FAM184A: variants seen among roughly 807,000 people sequenced by gnomAD.
FAM184A encodes family with sequence similarity 184 member A.
A neutral mutation model predicts 143.8 loss-of-function variants in FAM184A; 99 were observed. That is an observed-to-expected ratio of 0.69 (90% CI 0.58 to 0.81). FAM184A has a LOEUF of 0.81. FAM184A is among the 40% of genes least tolerant of loss of function. The probability of loss-of-function intolerance (pLI) is 0.00; values close to 1 mark genes in which losing one functional copy is unlikely to be tolerated. For missense variants in FAM184A, 1,217 were observed against 1,310.5 expected (o/e 0.93, Z 1.10); for synonymous variants, 427 against 446.4 (o/e 0.96, Z 0.55).
upstream of FAM184A, among the ~76,000 whole-genome samples, chr6:119,081,133 T>TA (rs1788050514): frequency 6.6e-6 from 1 of 152,102 alleles, no homozygotes; most frequent in Non-Finnish European, 1.5e-5. Flanking sequence ...TCAGAAAACT[T>TA]ACAACATGGA....
chr6:118,972,683 T>A (rs1783731822), intron 14 of FAM184A, among the ~76,000 whole-genome samples: 1 of 152,124 alleles, frequency 6.6e-6, no homozygotes. Flanking sequence ...TGCAACAGAA[T>A]AAAGGAAAAA....
At chr6:119,017,187 T>C (rs1562475172) in intron 4 of FAM184A, among the ~76,000 whole-genome samples, 1 of 152,180 alleles carries the variant, frequency 6.6e-6, no homozygotes, top group Non-Finnish European at 1.5e-5. Context: ...TGTGAGTTAA[T>C]ACATCTGCAA....
At chr6:119,037,691 T>C (rs1237153304) in intron 1 of FAM184A, among the ~76,000 whole-genome samples, 1 of 152,244 alleles carries the variant, frequency 6.6e-6, no homozygotes, top group African/African-American at 2.4e-5. Flanking sequence ...TTAGAATACG[T>C]AAAAATAATA....
intron 9 of FAM184A, among the ~76,000 whole-genome samples, chr6:118,992,686 G>A (rs1784415980): frequency 6.6e-6 from 1 of 152,084 alleles, no homozygotes; most frequent in African/African-American, 2.4e-5. Flanking sequence ...CAGCATTTTG[G>A]AAGGCCGAGG....
chr6:119,116,055 T>G (rs1201900248), intron 1 of FAM184A, among the ~76,000 whole-genome samples: 1 of 151,430 alleles, frequency 6.6e-6, no homozygotes, highest in Non-Finnish European at 1.5e-5. Flanking sequence ...AGAGACTGTC[T>G]TGGGGCTTTA....
At chr6:119,029,114 T>C (rs1284133652) in intron 1 of FAM184A, among the ~76,000 whole-genome samples, 1 of 152,206 alleles carries the variant, frequency 6.6e-6, no homozygotes, top group Non-Finnish European at 1.5e-5. Context: ...AACACTGGTA[T>C]AGGCCACAGG....
intron 9 of FAM184A, among the ~76,000 whole-genome samples, chr6:118,981,386 AC>A (rs1784016794): frequency 6.6e-6 from 1 of 152,182 alleles, no homozygotes; most frequent in Non-Finnish European, 1.5e-5. Context: ...TCCATAAGCA[AC>A]TTAAAACACT....
At chr6:118,985,484 T>C (rs1479315391) in intron 9 of FAM184A, among the ~76,000 whole-genome samples, 1 of 152,150 alleles carries the variant, frequency 6.6e-6, no homozygotes, top group Admixed American at 6.5e-5. Flanking sequence ...CCAGTTTGTG[T>C]TTTTGTAGTT....
chr6:119,005,139 C>T (rs1311465214), intron 7 of FAM184A: 1 of 151,850 alleles, frequency 6.6e-6, no homozygotes, highest in African/African-American at 2.4e-5. Context: ...AGAATGCTAC[C>T]ATCGAGATTA....
At chr6:118,974,377 GCTC>G (rs1375231611) in intron 14 of FAM184A, 48 bp downstream of exon 14, 1 of 1,514,768 alleles carries the variant, frequency 6.6e-7, no homozygotes. Flanking sequence ...TAAACACAGT[GCTC>G]CTAAATTTAT....
At chr6:119,081,269 G>A (rs762870973), upstream of FAM184A, among the ~76,000 whole-genome samples, 4 of 152,172 alleles carry the variant, frequency 2.6e-5, no homozygotes, top group Non-Finnish European at 5.9e-5. Flanking sequence ...ACCATGACAA[G>A]AACAGCATGG....
chr6:119,042,703 A>C (rs1456635578), intron 1 of FAM184A, among the ~76,000 whole-genome samples: 1 of 152,238 alleles, frequency 6.6e-6, no homozygotes, highest in Non-Finnish European at 1.5e-5. Context: ...TACAACATCA[A>C]GAACAAATCC....
intron 1 of FAM184A, among the ~76,000 whole-genome samples, chr6:119,102,280 T>C (rs1398454767): frequency 6.6e-6 from 1 of 152,096 alleles, no homozygotes; most frequent in East Asian, 1.9e-4. Context: ...TAGGATTTGC[T>C]GTAGGCCAGC....
At chr6:119,102,784 C>CAAAAAAAAAA (rs58686018) in intron 1 of FAM184A, among the ~76,000 whole-genome samples, 35 of 30,098 alleles carry the variant, frequency 1.2e-3, no homozygotes, top group East Asian at 5.8e-3. Context: ...GACTCCATCT[C>CAAAAAAAAAA]AAAAAAAAAA....
chr6:119,040,460 C>T (rs1381520846), intron 1 of FAM184A, among the ~76,000 whole-genome samples: 4 of 152,118 alleles, frequency 2.6e-5, no homozygotes, highest in Non-Finnish European at 4.4e-5. Context: ...GACTCTGCTC[C>T]GCCCAGCTGA....
At chr6:119,031,284 G>C (rs1785862065) in intron 1 of FAM184A, 1 of 152,172 alleles carries the variant, frequency 6.6e-6, no homozygotes, top group South Asian at 2.1e-4. Context: ...GGTATTTGGA[G>C]ACGGGACCTT....
At chr6:119,041,677 T>G (rs1177230682) in intron 1 of FAM184A, among the ~76,000 whole-genome samples, 1 of 152,098 alleles carries the variant, frequency 6.6e-6, no homozygotes, top group Non-Finnish European at 1.5e-5. Context: ...CTGCTGTTTG[T>G]CACCTTCGCA....
At chr6:118,986,999 T>C (rs1282674976) in intron 9 of FAM184A, among the ~76,000 whole-genome samples, 2 of 152,176 alleles carry the variant, frequency 1.3e-5, no homozygotes, top group Admixed American at 6.5e-5. Flanking sequence ...ATTTTTTACA[T>C]AGAAAAAAGA....
At chr6:119,022,859 A>G in intron 3 of FAM184A, 86 bp downstream of exon 3, 1 of 1,536,698 alleles carries the variant, frequency 6.5e-7, no homozygotes. Flanking sequence ...TCTGGGCGAC[A>G]GAGCAAGACT....
Sources: allele counts gnomAD v4.1 joint callset (sites outside exome capture counted in the v4.1 genomes callset), GRCh38; gene constraint gnomAD v4.1.1; transcripts MANE v1.5; gene names NCBI Gene and HGNC (gene_info 2026-07-23, HGNC 2026-07-21).